Variants in GRIK2 observed in about 807,000 individuals in gnomAD.
GRIK2 encodes glutamate ionotropic receptor kainate type subunit 2, also known as glutamate receptor ionotropic, kainate 2.
A neutral mutation model predicts 100.3 loss-of-function variants in GRIK2; 32 were observed. The ratio of observed to expected loss-of-function variants is 0.32; its 90% CI spans 0.24 to 0.43. The LOEUF (loss-of-function observed/expected upper bound fraction) is 0.43, where lower values mean the gene tolerates loss of function less well. GRIK2 is among the 20% of genes least tolerant of loss of function. GRIK2 has a pLI of 1.00. For missense variants in GRIK2, 843 were observed against 1,114.9 expected (o/e 0.76, Z 3.47); for synonymous variants, 417 against 389.4 (o/e 1.07, Z -0.83).
At chr6:101,509,698 T>C (rs1774203945) in intron 2 of GRIK2, among the ~76,000 whole-genome samples, 1 of 152,206 alleles carries the variant, frequency 6.6e-6, no homozygotes, top group East Asian at 1.9e-4. Flanking sequence ...GTTCAGAGTC[T>C]TGCTTGTAAA....
chr6:101,917,178 A>G (rs1396732281), intron 12 of GRIK2, among the ~76,000 whole-genome samples: 1 of 151,688 alleles, frequency 6.6e-6, no homozygotes. Flanking sequence ...ATACCCTAGA[A>G]GTAGAGTTAC....
intron 14 of GRIK2, among the ~76,000 whole-genome samples, chr6:101,933,970 CTCTT>C (rs1439315302): frequency 1.2e-4 from 18 of 151,710 alleles, no homozygotes; most frequent in Non-Finnish European, 4.4e-5. Flanking sequence ...GGAGATTTTT[CTCTT>C]TCTTTCTTGT....
intron 7 of GRIK2, among the ~76,000 whole-genome samples, chr6:101,727,620 C>A (rs936074008): frequency 2.0e-5 from 3 of 151,970 alleles, no homozygotes; most frequent in Non-Finnish European, 4.4e-5. Flanking sequence ...TGTTACATTT[C>A]CTGTGAGAAA....
In GRIK2 at chr6:101,853,311, G is replaced by A. The variant is rs563571376; in HGVS notation, c.1318-5976G>A. ...TGTCAAATGAAAATAGTCCCAATAA[G>A]ACTGCATTGAAACATATGAAAAAAT... On this transcript the variant is annotated intron_variant, in intron 10 of 16. Transcript: ENST00000369134. Among the ~76,000 whole-genome samples the A allele has an allele frequency of 2.6e-5, 4 of 152,160 alleles. No homozygotes were observed. In the East Asian group the frequency reaches 7.7e-4, roughly 29 times the overall value.
intron 4 of GRIK2, among the ~76,000 whole-genome samples, chr6:101,641,898 G>A (rs535311452): frequency 1.3e-5 from 2 of 152,034 alleles, no homozygotes; most frequent in Non-Finnish European, 2.9e-5. Context: ...ATGTGGGGTA[G>A]AGTAAATCCA....
chr6:102,058,452 AT>A (rs35002537), intron 16 of GRIK2, among the ~76,000 whole-genome samples: 44,884 of 151,372 alleles, frequency 0.3, 6,743 homozygotes, highest in East Asian at 0.34. Context: ...GAAACAAATT[AT>A]TTTTCTATAC....
At chr6:101,465,559 A>G (rs899344647) in intron 2 of GRIK2, among the ~76,000 whole-genome samples, 4 of 152,214 alleles carry the variant, frequency 2.6e-5, no homozygotes, top group Admixed American at 6.5e-5. Context: ...TATTGTGGAG[A>G]ACTTATTATA....
At chr6:101,493,990 AATT>A (rs1773287220) in intron 2 of GRIK2, among the ~76,000 whole-genome samples, 2 of 130,098 alleles carry the variant, frequency 1.5e-5, no homozygotes, top group African/African-American at 2.7e-5. Context: ...ATTATATAAA[AATT>A]ATAAAAATGT....
chr6:102,055,829 G>T (rs1771436553), intron 16 of GRIK2, among the ~76,000 whole-genome samples: 1 of 151,828 alleles, frequency 6.6e-6, no homozygotes, highest in African/African-American at 2.4e-5. Context: ...AGGAAAAATA[G>T]CTATTTCTAC....
chr6:101,415,687 T>C (rs2518183), intron 2 of GRIK2, among the ~76,000 whole-genome samples: 13,980 of 152,130 alleles, frequency 0.092, 691 homozygotes, highest in South Asian at 0.14. Context: ...TCCATAACAA[T>C]TTTTAAGTGT....
chr6:101,919,573 G>A (rs938032051), intron 12 of GRIK2, among the ~76,000 whole-genome samples: 3 of 151,652 alleles, frequency 2.0e-5, no homozygotes, highest in African/African-American at 7.3e-5. Flanking sequence ...ATCCATTGAG[G>A]GAGAATTTAT....
rs918827852 is a variant in GRIK2, at chr6:102,036,002, G to A, written c.2311+436G>A. ...GGCTCTCATGAATATTATCAGAATT[G>A]TTTTACTTAAAAGAAGGTAGAAATA... is the stretch of plus-strand genomic sequence containing the variant. On this transcript the variant is annotated intron_variant, in intron 15 of 16. Coordinates refer to ENST00000369134, the MANE Select transcript of GRIK2 (RefSeq NM_021956.5). Among the ~76,000 whole-genome samples the A allele has an allele frequency of 2.6e-5, 4 of 151,228 alleles. 1 individual carries two copies. In the Admixed American group the frequency reaches 2.6e-4, roughly 10 times the overall value.
intron 14 of GRIK2, among the ~76,000 whole-genome samples, chr6:101,972,265 T>A (rs982814982): frequency 6.6e-6 from 1 of 151,912 alleles, no homozygotes; most frequent in Non-Finnish European, 1.5e-5. Context: ...ACCAGCATCA[T>A]TGTTTTTTGT....
chr6:101,697,970 T>C (rs1442436828), intron 7 of GRIK2, among the ~76,000 whole-genome samples: 1 of 152,120 alleles, frequency 6.6e-6, no homozygotes, highest in African/African-American at 2.4e-5. Flanking sequence ...TGCTACTATG[T>C]TCTGAGTACA....
At chr6:101,947,586 A>G (rs2128477836) in intron 14 of GRIK2, among the ~76,000 whole-genome samples, 1 of 152,284 alleles carries the variant, frequency 6.6e-6, no homozygotes, top group South Asian at 2.1e-4. Flanking sequence ...AAAATGTGAT[A>G]TAAGAGAAAC....
intron 2 of GRIK2, among the ~76,000 whole-genome samples, chr6:101,537,470 G>GTA (rs1775769756): frequency 6.6e-6 from 1 of 150,588 alleles, no homozygotes. Context: ...GTGTGTGTGT[G>GTA]TGTGTGTTTA....
chr6:101,448,494 G>T (rs928736109), intron 2 of GRIK2, among the ~76,000 whole-genome samples: 6 of 151,470 alleles, frequency 4.0e-5, no homozygotes, highest in African/African-American at 1.5e-4. Flanking sequence ...AGGGAAATCA[G>T]TTCATTTCTC....
chr6:101,523,844 C>A (rs1775009767), intron 2 of GRIK2, among the ~76,000 whole-genome samples: 1 of 151,868 alleles, frequency 6.6e-6, no homozygotes, highest in African/African-American at 2.4e-5. Context: ...CTCAGCCTCC[C>A]AAATAGCTGG....
chr6:101,531,688 T>C (rs987518370), intron 2 of GRIK2, among the ~76,000 whole-genome samples: 1 of 151,936 alleles, frequency 6.6e-6, no homozygotes, highest in African/African-American at 2.4e-5. Flanking sequence ...ATTATGACAC[T>C]GAATGCATCA....
Sources: gnomAD v4.1 joint callset for allele counts (sites outside exome capture counted in the v4.1 genomes callset) on GRCh38, gnomAD v4.1.1 for gene constraint, MANE v1.5 for transcripts, NCBI Gene and HGNC (gene_info 2026-07-23, HGNC 2026-07-21) for gene names.